Variants in FAM13B observed in about 807,000 individuals in gnomAD.
FAM13B encodes the protein family with sequence similarity 13 member B.
A neutral mutation model predicts 117.3 loss-of-function variants in FAM13B; 60 were observed. That is an observed-to-expected ratio of 0.51 (90% CI 0.42 to 0.63). FAM13B has a LOEUF of 0.63. FAM13B is among the 30% of genes least tolerant of loss of function. FAM13B has a pLI of 0.00. For missense variants in FAM13B, 972 were observed against 1,091.9 expected, an observed-to-expected ratio of 0.89 and a Z score of 1.55; for synonymous variants, 332 against 356.1, an observed-to-expected ratio of 0.93 and a Z score of 0.76.
intron 7 of FAM13B, among the ~76,000 whole-genome samples, chr5:137,994,978 G>C (rs1443916320): frequency 6.6e-6 from 1 of 152,158 alleles, no homozygotes; most frequent in Non-Finnish European, 1.5e-5. Context: ...AAGTATTGCA[G>C]TTCAGCCTCA....
At chr5:137,961,237 C>G (rs922897124) in intron 11 of FAM13B, among the ~76,000 whole-genome samples, 4 of 152,090 alleles carry the variant, frequency 2.6e-5, no homozygotes, top group Non-Finnish European at 5.9e-5. Context: ...ATCCACCTAA[C>G]CAAGGTACTC....
At chr5:137,966,476 TATATATATATATAGAG>T (rs1479657600) in intron 10 of FAM13B, among the ~76,000 whole-genome samples, 16 of 66,906 alleles carry the variant, frequency 2.4e-4, no homozygotes, top group African/African-American at 8.8e-4. Context: ...TATATATATA[TATATATATATATAGAG>T]AGAGAGAGAG....
At chr5:137,963,733 C>T (rs1407749298) in intron 10 of FAM13B, among the ~76,000 whole-genome samples, 2 of 152,162 alleles carry the variant, frequency 1.3e-5, no homozygotes, top group Non-Finnish European at 2.9e-5. Flanking sequence ...GGAGTGAGCA[C>T]TATGGCATGA....
chr5:137,963,932 T>C (rs78081438), intron 10 of FAM13B, among the ~76,000 whole-genome samples: 22,073 of 152,186 alleles, frequency 0.15, 1,770 homozygotes, highest in Non-Finnish European at 0.17. Flanking sequence ...GGAAAAACTG[T>C]TGTCCACAAA....
At chr5:138,034,994 C>CTTTTTTTTT (rs1441264084), upstream of FAM13B, among the ~76,000 whole-genome samples, 1 of 42,002 alleles carries the variant, frequency 2.4e-5, no homozygotes, top group Non-Finnish European at 4.8e-5. Context: ...GATTCCCTTG[C>CTTTTTTTTT]CTTTTTTTTT....
At chr5:137,943,663 T>A (rs1448107185) in intron 20 of FAM13B, among the ~76,000 whole-genome samples, 1 of 152,118 alleles carries the variant, frequency 6.6e-6, no homozygotes, top group East Asian at 1.9e-4. Context: ...GGGAATTGCT[T>A]GAACCCCAGG....
At chr5:138,023,930 C>G (rs915786206) in intron 1 of FAM13B, among the ~76,000 whole-genome samples, 4 of 152,166 alleles carry the variant, frequency 2.6e-5, no homozygotes, top group Non-Finnish European at 5.9e-5. Flanking sequence ...AGAGGGCAGG[C>G]CTATGGTCCA....
At chr5:137,990,168 G>A (rs1778258537) in intron 7 of FAM13B, among the ~76,000 whole-genome samples, 2 of 152,118 alleles carry the variant, frequency 1.3e-5, no homozygotes, top group Non-Finnish European at 2.9e-5. Context: ...TTTATGTGGT[G>A]CGATCTGTTT....
chr5:138,013,424 C>A (rs975729169), intron 4 of FAM13B, among the ~76,000 whole-genome samples: 1 of 151,402 alleles, frequency 6.6e-6, no homozygotes, highest in Non-Finnish European at 1.5e-5. Context: ...TGGCGTGAAC[C>A]CAGGAGGCAG....
rs200078301 is a variant in FAM13B at position 137,940,140 on chromosome 5, G to T, written c.*85C>A. ...AGATTCTCTGAGTGCCTGACAAAAC[G>T]AATTTAAGTACCAGCCAAGTACACA... On this transcript the variant is annotated 3_prime_UTR_variant, in exon 24 of 24. Transcript: ENST00000689681. The T allele has an allele frequency of 5.5e-5, 88 of 1,613,718 alleles. No homozygotes were observed. In the Admixed American group the frequency reaches 1.3e-3, roughly 24 times the overall value.
chr5:138,027,278 A>G (rs1788675317), intron 1 of FAM13B, among the ~76,000 whole-genome samples: 1 of 152,236 alleles, frequency 6.6e-6, no homozygotes, highest in Non-Finnish European at 1.5e-5. Context: ...CTATCTCACT[A>G]CTTGTTAAAG....
At chr5:138,033,538 T>G (rs2079677447), upstream of FAM13B, among the ~76,000 whole-genome samples, 1 of 152,162 alleles carries the variant, frequency 6.6e-6, no homozygotes, top group Admixed American at 6.5e-5. Flanking sequence ...ACCTGCGTCC[T>G]GCCCGCCCCC....
intron 7 of FAM13B, among the ~76,000 whole-genome samples, chr5:137,989,153 T>C (rs1023679371): frequency 6.6e-6 from 1 of 152,246 alleles, no homozygotes; most frequent in Admixed American, 6.5e-5. Context: ...ACACCACATC[T>C]GTAGCTACCT....
At chr5:137,946,128 T>C (rs996552947) in intron 19 of FAM13B, 100 bp downstream of exon 19, 1 of 1,269,800 alleles carries the variant, frequency 7.9e-7, no homozygotes, top group Admixed American at 2.1e-5. Context: ...TTGTAGGAAA[T>C]AATGCTCAAA....
At chr5:137,962,565 T>C (rs1399779942) in intron 10 of FAM13B, 96 bp from the exon 11 acceptor site, 13 of 1,007,176 alleles carry the variant, frequency 1.3e-5, no homozygotes, top group Non-Finnish European at 3.0e-6. Context: ...TACAGATTAG[T>C]CAAACACCCC....
Position 137,938,052 on chromosome 5 carries a change from T to C in FAM13B, c.*2173A>G, listed in dbSNP as rs1206516754. On this transcript the variant is annotated 3_prime_UTR_variant, in exon 24 of 24. Transcript: ENST00000689681. ...ATACTGGTGGACATATATATCTATA[T>C]ATTATTTGTATATAGATATACAGTT... 6.6e-6 allele frequency: 1 copy of C among 152,186 alleles called. No homozygotes were observed. The highest frequency in any genetic ancestry group is 2.4e-5 in the African/African-American group (1 of 41,446). 9.4% of individuals were successfully genotyped at this position (152,186 alleles called of 1,614,324 possible).
intron 7 of FAM13B, among the ~76,000 whole-genome samples, chr5:138,001,450 A>G (rs923396777): frequency 6.6e-6 from 1 of 152,194 alleles, no homozygotes; most frequent in Non-Finnish European, 1.5e-5. Context: ...ACACTGACAC[A>G]TTTGCTATAT....
chr5:137,984,915 C>T (rs374181200), intron 10 of FAM13B, among the ~76,000 whole-genome samples: 59 of 151,788 alleles, frequency 3.9e-4, no homozygotes, highest in African/African-American at 1.4e-3. Flanking sequence ...ATTACAGGCG[C>T]CCACCACCAC....
intron 7 of FAM13B, among the ~76,000 whole-genome samples, chr5:137,991,945 AG>A (rs1308910551): frequency 6.6e-6 from 1 of 152,142 alleles, no homozygotes; most frequent in East Asian, 1.9e-4. Context: ...TTTTTGAGAC[AG>A]GGTCTCACTT....
Sources: gnomAD v4.1 joint callset for allele counts (sites outside exome capture counted in the v4.1 genomes callset) on GRCh38, gnomAD v4.1.1 for gene constraint, MANE v1.5 for transcripts, NCBI Gene and HGNC (gene_info 2026-07-23, HGNC 2026-07-21) for gene names.